PRKD3: variants seen among roughly 807,000 people sequenced by gnomAD.
PRKD3 encodes protein kinase D3, also known as serine/threonine-protein kinase D3.
Under a neutral mutation model 99.2 loss-of-function variants are expected in PRKD3, and 47 were observed. The observed-to-expected ratio is 0.47, with a 90% CI of 0.38 to 0.60. The LOEUF is 0.60. Among genes scored for constraint, PRKD3 ranks in the 20% least tolerant of loss-of-function variants. The probability of loss-of-function intolerance (pLI) is 0.00; values close to 1 mark genes in which losing one functional copy is unlikely to be tolerated. For synonymous variants in PRKD3, 392 were observed against 355.4 expected (o/e 1.10, Z -1.16); for missense variants, 1,019 against 1,088.4 (o/e 0.94, Z 0.90).
In PRKD3 at chr2:37,260,318, C is replaced by G. The variant is rs974685912; in HGVS notation, c.1951G>C (p.Val651Leu). The G allele has an allele frequency of 2.5e-6, 4 of 1,609,208 alleles. No individual in the cohort carries two copies. The highest frequency in any genetic ancestry group is 2.6e-6 in the Non-Finnish European group (3 of 1,175,654). ...ATATCTCCATGCAGCTTTTCCATTA[C>G]TACAAAGACTCGTTCTGGGGTTTCA... ...MFETPERVFVVMEKLHGDMLE... is the reference protein window; with the variant it reads ...MFETPERVFVLMEKLHGDMLE... Residue 651 changes from valine (V) to leucine (L), a missense_variant, in exon 15 of 19, where the codon GTA becomes CTA. By Grantham distance (32) the Val-to-Leu change is conservative (BLOSUM62 1). This residue lies in a region of PRKD3 where 184 missense variants were observed against 275.1 expected (regional missense o/e 0.67). Transcript: ENST00000234179.
intron 2 of PRKD3, among the ~76,000 whole-genome samples, chr2:37,294,512 T>A (rs934652062): frequency 2.0e-5 from 3 of 152,182 alleles, no homozygotes; most frequent in African/African-American, 2.4e-5. Context: ...ACAGAAATAT[T>A]TAGAATTTTT....
At chr2:37,314,990 A>T (rs1017561971) in intron 2 of PRKD3, among the ~76,000 whole-genome samples, 3 of 87,278 alleles carry the variant, frequency 3.4e-5, no homozygotes, top group African/African-American at 4.9e-5. Context: ...AAACTGCACA[A>T]CATCTTTTGG....
At chr2:37,301,949 T>C (rs1205185834) in intron 2 of PRKD3, among the ~76,000 whole-genome samples, 1 of 152,182 alleles carries the variant, frequency 6.6e-6, no homozygotes, top group Non-Finnish European at 1.5e-5. Flanking sequence ...ATTCAGTGGG[T>C]AGAGCACTGT....
intron 5 of PRKD3, among the ~76,000 whole-genome samples, chr2:37,288,267 A>AGG (rs1670217720): frequency 6.6e-6 from 1 of 152,094 alleles, no homozygotes; most frequent in East Asian, 1.9e-4. Flanking sequence ...ACTTTTTCCT[A>AGG]CTAATCTTTT....
At chr2:37,309,901 C>T (rs1018283402) in intron 2 of PRKD3, among the ~76,000 whole-genome samples, 2 of 148,882 alleles carry the variant, frequency 1.3e-5, no homozygotes, top group African/African-American at 5.0e-5. Flanking sequence ...ATATATTATA[C>T]CAAAATATTC....
At chr2:37,313,980 G>T (rs1287185092) in intron 2 of PRKD3, among the ~76,000 whole-genome samples, 1 of 152,132 alleles carries the variant, frequency 6.6e-6, no homozygotes, top group Non-Finnish European at 1.5e-5. Context: ...TATATCAAAG[G>T]CTGTAAAAGT....
intron 1 of PRKD3, among the ~76,000 whole-genome samples, chr2:37,320,423 CTTTTTTTTTT>C (rs35158902): frequency 2.4e-4 from 19 of 78,162 alleles, no homozygotes; most frequent in Admixed American, 8.8e-4. Context: ...AAGTTAACGA[CTTTTTTTTTT>C]TTTTTTTTTT....
intron 2 of PRKD3, among the ~76,000 whole-genome samples, chr2:37,302,971 A>T (rs1455896889): frequency 6.6e-6 from 1 of 152,044 alleles, no homozygotes; most frequent in Non-Finnish European, 1.5e-5. Context: ...GTTCTTTCTA[A>T]ATGTCTTTTT....
intron 11 of PRKD3, among the ~76,000 whole-genome samples, chr2:37,273,420 A>AC (rs1472950831): frequency 6.6e-6 from 1 of 151,960 alleles, no homozygotes; most frequent in Non-Finnish European, 1.5e-5. Flanking sequence ...AAATAATGTT[A>AC]CCCCTCCACC....
At chr2:37,309,194 T>C (rs1031094252) in intron 2 of PRKD3, among the ~76,000 whole-genome samples, 6 of 152,202 alleles carry the variant, frequency 3.9e-5, no homozygotes, top group African/African-American at 1.4e-4. Context: ...TATTTGGACT[T>C]ACCCGTTTCT....
Position 37,272,499 on chromosome 2 carries a change from T to C in PRKD3, c.1652-67A>G, listed in dbSNP as rs1669335055. ...TTATTAATCTTTACTGACATGTGAA[T>C]GCTCATGGTATATCAAACTTTAAAA... On this transcript the variant is annotated intron_variant, in intron 11 of 18. Transcript: ENST00000234179. The C allele has an allele frequency of 1.6e-5, 25 of 1,522,676 alleles. No individual in the cohort carries two copies. In the East Asian group the frequency reaches 5.9e-4, roughly 36 times the overall value. 94.3% of individuals were successfully genotyped at this position (1,522,676 alleles called of 1,614,324 possible).
intron 2 of PRKD3, among the ~76,000 whole-genome samples, chr2:37,298,397 C>T (rs958872586): frequency 1.5e-5 from 2 of 132,434 alleles, no homozygotes; most frequent in Non-Finnish European, 3.3e-5. Flanking sequence ...AGAGATCATT[C>T]CATTAACAAA....
At chr2:37,299,257 C>G (rs1031525715) in intron 2 of PRKD3, among the ~76,000 whole-genome samples, 1 of 152,086 alleles carries the variant, frequency 6.6e-6, no homozygotes, top group Non-Finnish European at 1.5e-5. Context: ...CTGAACCATC[C>G]TCATATTCTA....
chr2:37,317,917 A>T (rs973408267), intron 1 of PRKD3: 1 of 152,070 alleles, frequency 6.6e-6, no homozygotes, highest in African/African-American at 2.4e-5. Context: ...TAAGAAAGAG[A>T]ACAGTAGGTA....
chr2:37,269,810 G>C, intron 12 of PRKD3, 123 bp from the exon 13 acceptor site: 1 of 698,810 alleles, frequency 1.4e-6, no homozygotes, highest in Non-Finnish European at 2.3e-6. Flanking sequence ...TTTCCATAAA[G>C]TGCAAACTAT....
At chr2:37,279,300 T>C (rs1044559652) in intron 8 of PRKD3, 1 of 152,518 alleles carries the variant, frequency 6.6e-6, no homozygotes, top group African/African-American at 2.4e-5. Flanking sequence ...TGTGGCAATA[T>C]GAAAACTGCC....
At position 37,275,861 on chromosome 2, in the gene PRKD3, G is replaced by A. The variant is rs371406445; in HGVS notation, c.1297-17C>T. ...CCTCTTTCTCTATAAAATGAAGATTGGAAAACTGTGAGGTTCAAAAATGAT... is the reference window on the plus strand; with the variant it reads ...CCTCTTTCTCTATAAAATGAAGATTAGAAAACTGTGAGGTTCAAAAATGAT... On this transcript the variant is annotated splice_polypyrimidine_tract_variant and intron_variant, in intron 9 of 18. Transcript: ENST00000234179. 1,012 of 1,599,308 alleles carry A rather than the reference G, an allele frequency of 6.3e-4. 15 individuals are homozygous for A. In the South Asian group the frequency reaches 0.011, roughly 17 times the overall value.
intron 4 of PRKD3, among the ~76,000 whole-genome samples, chr2:37,289,831 C>T (rs1261242352): frequency 6.6e-6 from 1 of 152,152 alleles, no homozygotes; most frequent in Non-Finnish European, 1.5e-5. Flanking sequence ...GGATGAGGCC[C>T]AGCAAAGTGT....
chr2:37,276,577 G>A (rs1381657372), intron 9 of PRKD3, among the ~76,000 whole-genome samples: 1 of 151,904 alleles, frequency 6.6e-6, no homozygotes, highest in Non-Finnish European at 1.5e-5. Flanking sequence ...TGTTTAGAAT[G>A]AGCTGAAAAT....
Sources: allele counts gnomAD v4.1 joint callset (sites outside exome capture counted in the v4.1 genomes callset), GRCh38; gene constraint gnomAD v4.1.1; regional missense constraint gnomAD v4.1.1; transcripts MANE v1.5; gene names NCBI Gene and HGNC (gene_info 2026-07-23, HGNC 2026-07-21).